Variants in KCNK10 observed in about 807,000 individuals in gnomAD.
KCNK10 encodes potassium channel subfamily K member 10.
KCNK10 carries 25 observed loss-of-function variants against 47.7 expected under a neutral mutation model. The ratio of observed to expected loss-of-function variants is 0.52; its 90% confidence interval spans 0.38 to 0.73. The LOEUF (loss-of-function observed/expected upper bound fraction) is 0.73, where lower values mean the gene tolerates loss of function less well. Ranked by LOEUF, KCNK10 falls within the 30% of genes least tolerant of loss-of-function variation. The pLI, the probability that KCNK10 is intolerant of heterozygous loss-of-function variation, is 0.00. For missense variants in KCNK10, 563 were observed against 714.5 expected, an observed-to-expected ratio of 0.79 and a Z score of 2.42; for synonymous variants, 303 against 285.6, an observed-to-expected ratio of 1.06 and a Z score of -0.61.
At chr14:88,217,573 G>A (rs1885662757) in intron 4 of KCNK10, among the ~76,000 whole-genome samples, 1 of 151,988 alleles carries the variant, frequency 6.6e-6, no homozygotes, top group African/African-American at 2.4e-5. Flanking sequence ...AATATTTTTA[G>A]AGACAGGGCC....
At chr14:88,240,644 T>A (rs1359831695) in intron 3 of KCNK10, 59 bp downstream of exon 3, 3 of 1,093,544 alleles carry the variant, frequency 2.7e-6, no homozygotes, top group Non-Finnish European at 4.2e-6. Flanking sequence ...AAACACTGAC[T>A]AAGCGCCCTT....
At chr14:88,238,928 G>T (rs1195178530) in intron 3 of KCNK10, among the ~76,000 whole-genome samples, 1 of 152,046 alleles carries the variant, frequency 6.6e-6, no homozygotes, top group Non-Finnish European at 1.5e-5. Flanking sequence ...ATGCCTGAAT[G>T]GCCAGCTGGT....
At chr14:88,220,416 CAAAAAAAAAAAAAAAAAAA>C (rs58562095) in intron 4 of KCNK10, among the ~76,000 whole-genome samples, 247 of 30,154 alleles carry the variant, frequency 8.2e-3, no homozygotes, top group South Asian at 0.015. Flanking sequence ...GACTCCGTCT[CAAAAAAAAAAAAAAAAAAA>C]AAAAAAAAAA....
At chr14:88,267,207 T>C (rs1887282808) in intron 1 of KCNK10, among the ~76,000 whole-genome samples, 2 of 152,142 alleles carry the variant, frequency 1.3e-5, no homozygotes, top group Non-Finnish European at 2.9e-5. Context: ...TGGAGTATAT[T>C]TGTAGTTGTC....
chr14:88,325,227 C>T (rs1276327619), upstream of KCNK10, among the ~76,000 whole-genome samples: 1 of 152,216 alleles, frequency 6.6e-6, no homozygotes, highest in Non-Finnish European at 1.5e-5. Context: ...GAACCTCCCT[C>T]TGCGCTCTTC....
intron 1 of KCNK10, among the ~76,000 whole-genome samples, chr14:88,278,649 C>T (rs1437572458): frequency 6.6e-6 from 1 of 152,166 alleles, no homozygotes; most frequent in East Asian, 1.9e-4. Flanking sequence ...CCTTTGAGTT[C>T]AGGTGTCAGC....
intron 1 of KCNK10, among the ~76,000 whole-genome samples, chr14:88,274,500 G>A (rs980207647): frequency 1.7e-5 from 2 of 121,080 alleles, no homozygotes; most frequent in Admixed American, 1.2e-4. Context: ...GCAGTGAGTC[G>A]ACATTGCACC....
At chr14:88,212,040 C>T (rs76858037) in intron 4 of KCNK10, among the ~76,000 whole-genome samples, 4 of 151,028 alleles carry the variant, frequency 2.6e-5, no homozygotes. Context: ...ATGGCACTCC[C>T]TTCTGAAGGT....
At chr14:88,278,297 C>A (rs1387343721) in intron 1 of KCNK10, among the ~76,000 whole-genome samples, 1 of 152,210 alleles carries the variant, frequency 6.6e-6, no homozygotes, top group Non-Finnish European at 1.5e-5. Context: ...CCGTCTTCCC[C>A]ATATGAGAAG....
At chr14:88,275,976 G>T (rs1018979687) in intron 1 of KCNK10, among the ~76,000 whole-genome samples, 2 of 152,158 alleles carry the variant, frequency 1.3e-5, no homozygotes, top group African/African-American at 4.8e-5. Context: ...GAAGCTAAAG[G>T]ACAGGTGCAC....
At position 88,209,556 on chromosome 14, in the gene KCNK10, C is replaced by T. The variant is rs1293783538; in HGVS notation, c.682-17146G>A. ...GTTTGCCTTTCGAAAGGGCTCGCTG[C>T]ATCGCGGCCAGTGCATCTTCTCCTC... On this transcript the variant is annotated intron_variant, in intron 4 of 6. Coordinates refer to ENST00000319231, the MANE Select transcript of KCNK10 (RefSeq NM_138317.3). Among the ~76,000 whole-genome samples, 4 of 152,252 alleles carry T rather than the reference C, an allele frequency of 2.6e-5. No homozygotes were observed. The South Asian group carries it at 6.2e-4, about 24-fold the overall frequency.
intron 1 of KCNK10, among the ~76,000 whole-genome samples, chr14:88,273,935 G>A (rs1887467500): frequency 6.6e-6 from 1 of 151,932 alleles, no homozygotes; most frequent in Admixed American, 6.6e-5. Flanking sequence ...CTTTCCCTGG[G>A]GCCAAGGGTT....
chr14:88,206,243 C>G (rs73322380), intron 4 of KCNK10, among the ~76,000 whole-genome samples: 4,283 of 152,194 alleles, frequency 0.028, 214 homozygotes, highest in African/African-American at 0.097. Context: ...GAGGTGGTCT[C>G]TAAACTTGTT....
At chr14:88,297,263 A>T (rs1888005204) in intron 1 of KCNK10, among the ~76,000 whole-genome samples, 1 of 152,244 alleles carries the variant, frequency 6.6e-6, no homozygotes, top group Non-Finnish European at 1.5e-5. Flanking sequence ...AAAAAATTGA[A>T]GTTAAATACT....
intron 1 of KCNK10, among the ~76,000 whole-genome samples, chr14:88,275,472 A>T (rs1357287955): frequency 6.6e-6 from 1 of 152,124 alleles, no homozygotes; most frequent in Non-Finnish European, 1.5e-5. Flanking sequence ...GTATCCCAGA[A>T]GCAGATCCCG....
chr14:88,220,422 A>G (rs1426268793), intron 4 of KCNK10, among the ~76,000 whole-genome samples: 2 of 56,768 alleles, frequency 3.5e-5, no homozygotes, highest in Admixed American at 1.5e-4. Flanking sequence ...GTCTCAAAAA[A>G]AAAAAAAAAA....
At chr14:88,291,756 G>T (rs977842470) in intron 1 of KCNK10, among the ~76,000 whole-genome samples, 2 of 152,198 alleles carry the variant, frequency 1.3e-5, no homozygotes, top group South Asian at 4.1e-4. Flanking sequence ...ACATGGGTGC[G>T]CAGTGTTTGG....
At chr14:88,286,437 T>C (rs991031353) in intron 1 of KCNK10, among the ~76,000 whole-genome samples, 2 of 152,138 alleles carry the variant, frequency 1.3e-5, no homozygotes, top group African/African-American at 4.8e-5. Flanking sequence ...GCTCATAAAA[T>C]GGAAACATGG....
intron 1 of KCNK10, among the ~76,000 whole-genome samples, chr14:88,286,244 A>C (rs1887757728): frequency 6.6e-6 from 1 of 152,130 alleles, no homozygotes; most frequent in Non-Finnish European, 1.5e-5. Flanking sequence ...GAGGCCCCAG[A>C]CGTTGCAGAA....
Sources: allele counts gnomAD v4.1 joint callset (sites outside exome capture counted in the v4.1 genomes callset), GRCh38; gene constraint gnomAD v4.1.1; transcripts MANE v1.5; gene names NCBI Gene and HGNC (gene_info 2026-07-23, HGNC 2026-07-21).